The following RHOA variants were observed in gnomAD, a reference collection of about 807,000 sequenced individuals.
The protein encoded by RHOA is ras homolog family member A.
In RHOA, 3 loss-of-function variants were observed where a neutral mutation model predicts 17.5. The observed-to-expected ratio is 0.17, with a 90% CI of 0.08 to 0.44. RHOA has a LOEUF of 0.44. RHOA is among the 20% of genes least tolerant of loss of function. The probability of loss-of-function intolerance (pLI) is 0.99; values close to 1 mark genes in which losing one functional copy is unlikely to be tolerated. For synonymous variants in RHOA, 98 were observed against 88.4 expected (o/e 1.11, Z -0.61); for missense variants, 56 against 242.3 (o/e 0.23, Z 5.10).
intron 1 of RHOA, among the ~76,000 whole-genome samples, chr3:49,382,563 G>A (rs1005932521): frequency 1.3e-5 from 2 of 152,066 alleles, no homozygotes; most frequent in African/African-American, 2.4e-5. Flanking sequence ...TTGAGTACAG[G>A]AGGCAGAGGT....
chr3:49,369,004 GC>G (rs2048104644), intron 2 of RHOA, among the ~76,000 whole-genome samples: 2 of 106,870 alleles, frequency 1.9e-5, no homozygotes, highest in Non-Finnish European at 3.5e-5. Context: ...ACCGCGCCTG[GC>G]CTTTTTTTTT....
chr3:49,397,337 T>G (rs758326111), intron 1 of RHOA, among the ~76,000 whole-genome samples: 1 of 152,054 alleles, frequency 6.6e-6, no homozygotes, highest in East Asian at 1.9e-4. Flanking sequence ...AAGATGACAG[T>G]TGAAGAACAT....
At chr3:49,404,433 A>AAAACACACACACACACACACAC (rs1553636257) in intron 1 of RHOA, among the ~76,000 whole-genome samples, 1 of 90,768 alleles carries the variant, frequency 1.1e-5, no homozygotes, top group Non-Finnish European at 2.1e-5. Flanking sequence ...TCTCTAGTAA[A>AAAACACACACACACACACACAC]ACACACACAC....
intron 1 of RHOA, among the ~76,000 whole-genome samples, chr3:49,387,448 G>A (rs868464025): frequency 6.0e-4 from 77 of 128,698 alleles, no homozygotes; most frequent in African/African-American, 1.2e-3. Flanking sequence ...CATCTCGGGG[G>A]AAAAAAAAAA....
intron 3 of RHOA, among the ~76,000 whole-genome samples, chr3:49,365,810 C>T (rs2048045857): frequency 6.6e-6 from 1 of 151,784 alleles, no homozygotes; most frequent in Non-Finnish European, 1.5e-5. Context: ...AGGCTGGTCT[C>T]GAACTCCTGA....
chr3:49,388,574 A>G (rs2048440766), intron 1 of RHOA, among the ~76,000 whole-genome samples: 1 of 152,184 alleles, frequency 6.6e-6, no homozygotes, highest in African/African-American at 2.4e-5. Flanking sequence ...AATTAAAACC[A>G]TGCATTAATG....
intron 1 of RHOA, among the ~76,000 whole-genome samples, chr3:49,409,577 CAT>C (rs2048898211): frequency 6.6e-6 from 1 of 152,064 alleles, no homozygotes; most frequent in East Asian, 1.9e-4. Context: ...TCAGAGTTAA[CAT>C]ATATCTCTCA....
chr3:49,375,313 C>T (rs2048208830), intron 2 of RHOA, 121 bp downstream of exon 2: 2 of 920,630 alleles, frequency 2.2e-6, no homozygotes, highest in Non-Finnish European at 3.2e-6. Context: ...AGAATGGATT[C>T]TTCTTTCCAA....
intron 1 of RHOA, among the ~76,000 whole-genome samples, chr3:49,394,989 C>A (rs1032947693): frequency 6.6e-6 from 1 of 151,860 alleles, no homozygotes; most frequent in African/African-American, 2.4e-5. Flanking sequence ...GTGGCTCACG[C>A]TTGTAATCCC....
At chr3:49,390,408 C>T (rs1369243895) in intron 1 of RHOA, among the ~76,000 whole-genome samples, 1 of 152,026 alleles carries the variant, frequency 6.6e-6, no homozygotes, top group Non-Finnish European at 1.5e-5. Context: ...GGATTACAGG[C>T]GTGAGCCACT....
chr3:49,411,322 C>T (rs1482317791), intron 1 of RHOA, among the ~76,000 whole-genome samples: 1 of 152,228 alleles, frequency 6.6e-6, no homozygotes, highest in Non-Finnish European at 1.5e-5. Flanking sequence ...AGAAAACCTA[C>T]CCAAAGTGTA....
chr3:49,364,234 CCAGCA>C (rs2048017711), intron 3 of RHOA, among the ~76,000 whole-genome samples: 1 of 151,982 alleles, frequency 6.6e-6, no homozygotes, highest in African/African-American at 2.4e-5. Context: ...GCCTATAATC[CCAGCA>C]CTGTGAAGGC....
rs185430578 is a variant in RHOA at position 49,389,723 on chromosome 3, C to T, written c.-2-14132G>A. Among the ~76,000 whole-genome samples the T allele has an allele frequency of 7.9e-5, 12 of 152,142 alleles. No homozygotes were observed. The South Asian group carries it at 2.5e-3, about 32-fold the overall frequency. On this transcript the variant is annotated intron_variant, in intron 1 of 4. Transcript: ENST00000418115. The stretch of plus-strand genomic sequence containing the variant: ...TTGGGAGGCCGAGGCAGGCGGATCA[C>T]GAGGTCAGGATATTGACACCATCCT...
intron 1 of RHOA, among the ~76,000 whole-genome samples, chr3:49,377,174 T>C (rs2048241414): frequency 6.6e-6 from 1 of 152,010 alleles, no homozygotes; most frequent in South Asian, 2.1e-4. Flanking sequence ...TTCATGTCTG[T>C]AATCCCAACA....
At chr3:49,409,443 T>C (rs1224145257) in intron 1 of RHOA, among the ~76,000 whole-genome samples, 2 of 152,082 alleles carry the variant, frequency 1.3e-5, no homozygotes, top group East Asian at 3.9e-4. Context: ...AATTTTAAAA[T>C]CCAGTGACTA....
At position 49,375,438 on chromosome 3, in the gene RHOA, T is replaced by C. The variant is rs2107849082; in HGVS notation, c.152A>G (p.Lys51Arg). Reference protein sequence around the residue: ...NYVADIEVDGKQVELALWDTA... With the variant: ...NYVADIEVDGRQVELALWDTA... ...TGTTATGAAAAGTATACTCACCTGC[T>C]TTCCATCCACCTCGATATCTGCCAC... Residue 51 changes from lysine (K) to arginine (R), a missense_variant, in exon 2 of 5, where the codon AAG becomes AGG. Lys to Arg is a conservative substitution (Grantham distance 26). This residue lies in a region of RHOA where 17 missense variants were observed against 156.3 expected (regional missense o/e 0.11). Coordinates refer to ENST00000418115, the MANE Select transcript of RHOA (RefSeq NM_001664.4). 2.5e-6 allele frequency: 4 copies of C among 1,610,198 alleles called. No individual in the cohort carries two copies. Among genetic ancestry groups the C allele is most frequent in the Non-Finnish European group, 3.4e-6 (4 of 1,178,574 alleles).
chr3:49,405,788 G>A (rs965520589), intron 1 of RHOA, among the ~76,000 whole-genome samples: 3 of 152,124 alleles, frequency 2.0e-5, no homozygotes, highest in African/African-American at 7.2e-5. Context: ...AAGTTCGAGG[G>A]ATTCTCCTGC....
intron 1 of RHOA, among the ~76,000 whole-genome samples, chr3:49,401,424 G>A (rs188355927): frequency 1.3e-5 from 2 of 152,104 alleles, no homozygotes; most frequent in African/African-American, 2.4e-5. Flanking sequence ...AGGCCATGGC[G>A]GATGGATCAC....
chr3:49,391,821 A>ATT (rs2048515735), intron 1 of RHOA, among the ~76,000 whole-genome samples: 1 of 92,036 alleles, frequency 1.1e-5, no homozygotes, highest in Non-Finnish European at 2.3e-5. Flanking sequence ...TAATTAATTT[A>ATT]TCTTTTTTTT....
Sources: allele counts gnomAD v4.1 joint callset (sites outside exome capture counted in the v4.1 genomes callset), GRCh38; gene constraint gnomAD v4.1.1; regional missense constraint gnomAD v4.1.1; transcripts MANE v1.5; gene names NCBI Gene and HGNC (gene_info 2026-07-23, HGNC 2026-07-21).